Variants in RABGEF1 observed in about 807,000 individuals in gnomAD.
RABGEF1 encodes the protein rab5 GDP/GTP exchange factor.
A neutral mutation model predicts 57.3 loss-of-function variants in RABGEF1; 26 were observed. The observed-to-expected ratio is 0.45, with a 90% confidence interval of 0.33 to 0.63. The LOEUF (loss-of-function observed/expected upper bound fraction) is 0.63. Ranked by LOEUF, RABGEF1 falls within the 20% of genes least tolerant of loss-of-function variation. The pLI, the probability that RABGEF1 is intolerant of heterozygous loss-of-function variation, is 0.02. For synonymous variants in RABGEF1, 185 were observed against 210.7 expected, an observed-to-expected ratio of 0.88 and a Z score of 1.06; for missense variants, 464 against 607.6, an observed-to-expected ratio of 0.76 and a Z score of 2.48.
At chr7:66,772,782 C>T (rs763537599) in intron 2 of RABGEF1, among the ~76,000 whole-genome samples, 7 of 151,642 alleles carry the variant, frequency 4.6e-5, no homozygotes, top group Admixed American at 6.6e-5. Flanking sequence ...CATGGTGGTA[C>T]GCATTTGTTA....
chr7:66,805,268 C>T lies in RABGEF1; in HGVS notation c.949C>T (p.Pro317Ser). The T allele has an allele frequency of 6.2e-7, 1 of 1,614,214 alleles. No homozygotes were observed. Among genetic ancestry groups the T allele is most frequent in the Non-Finnish European group, 8.5e-7 (1 of 1,180,052 alleles). ...NEPASADDFL[P>S]TLIYIVLKGN... ...GCCGGCGTCAGCGGATGACTTCCTCCCCACCCTCATCTACATTGTTTTGAA... is the reference window on the plus strand; with the variant it reads ...GCCGGCGTCAGCGGATGACTTCCTCTCCACCCTCATCTACATTGTTTTGAA... Residue 317 changes from proline (P) to serine (S), a missense_variant, in exon 8 of 9, where the codon CCC (proline) becomes TCC (serine). Pro to Ser is a moderately conservative substitution (Grantham distance 74). This residue lies in a region of RABGEF1 where 284 missense variants were observed against 389.9 expected (regional missense o/e 0.73). Transcript: ENST00000284957.
chr7:66,732,270 C>G (rs1416465729), intron 2 of RABGEF1, among the ~76,000 whole-genome samples: 1 of 152,194 alleles, frequency 6.6e-6, no homozygotes, highest in Non-Finnish European at 1.5e-5. Flanking sequence ...CAGCTGGCGT[C>G]TGGACACGGA....
At chr7:66,746,427 C>T (rs530869436) in intron 1 of RABGEF1, among the ~76,000 whole-genome samples, 5 of 151,020 alleles carry the variant, frequency 3.3e-5, no homozygotes, top group Non-Finnish European at 7.4e-5. Context: ...CTCAGCCTCC[C>T]GAGTAGTTAA....
At chr7:66,678,019 G>A (rs1167752527), upstream of RABGEF1, among the ~76,000 whole-genome samples, 1 of 151,014 alleles carries the variant, frequency 6.6e-6, no homozygotes, top group Non-Finnish European at 1.5e-5. Flanking sequence ...AGCCAAGATT[G>A]TGACACTGCA....
chr7:66,797,318 AAAAGAG>A lies in RABGEF1; in HGVS notation c.596-54_596-49del. 5.6e-6 allele frequency: 8 copies of A among 1,419,454 alleles called. No individual in the cohort carries two copies. In the Admixed American group the frequency reaches 1.8e-4, roughly 32 times the overall value. The allele number at this position is 1,419,454 out of a possible 1,614,324, so 87.9% of individuals were successfully genotyped here. On this transcript the variant is annotated intron_variant, in intron 5 of 8. Transcript: ENST00000284957. ...GACTCTTTGTTTGCAAAAAAAAAAA[AAAAGAG>A]AGAGAAAAAATATATATATCTTGAT...
the RABGEF1 span, among the ~76,000 whole-genome samples, chr7:66,661,469 A>G: frequency 2.0e-5 from 3 of 152,024 alleles, no homozygotes; most frequent in African/African-American, 7.2e-5. Context: ...AAGAAAAAAT[A>G]TCGGCAAACC....
At chr7:66,741,978 TAA>T (rs5884601) in intron 1 of RABGEF1, among the ~76,000 whole-genome samples, 2 of 144,534 alleles carry the variant, frequency 1.4e-5, no homozygotes, top group African/African-American at 5.2e-5. Context: ...CTACTACAAA[TAA>T]AAAAAAAAAA....
chr7:66,669,957 G>C, the RABGEF1 span: 1 of 151,808 alleles, frequency 6.6e-6, no homozygotes, highest in African/African-American at 2.4e-5. Context: ...GCCATCACCA[G>C]CTTGGCCCTG....
At chr7:66,714,441 T>C (rs1237475370) in intron 2 of RABGEF1, among the ~76,000 whole-genome samples, 2 of 152,238 alleles carry the variant, frequency 1.3e-5, no homozygotes, top group Non-Finnish European at 1.5e-5. Context: ...TGATAATTTA[T>C]GTCTCGTTTC....
intron 2 of RABGEF1, among the ~76,000 whole-genome samples, chr7:66,733,242 A>G (rs1797545704): frequency 6.6e-6 from 1 of 152,116 alleles, no homozygotes; most frequent in Admixed American, 6.5e-5. Flanking sequence ...CATCTCCATG[A>G]AGTGTCCACA....
chr7:66,724,191 C>T (rs1796346903), intron 2 of RABGEF1, among the ~76,000 whole-genome samples: 1 of 152,010 alleles, frequency 6.6e-6, no homozygotes, highest in African/African-American at 2.4e-5. Context: ...TGTCCTCTAG[C>T]TTTCATTGTT....
chr7:66,807,279 G>C (rs1788646923), intron 8 of RABGEF1, among the ~76,000 whole-genome samples: 1 of 152,140 alleles, frequency 6.6e-6, no homozygotes, highest in African/African-American at 2.4e-5. Flanking sequence ...AAACTGCTCT[G>C]GCAAAAGTAA....
At chr7:66,677,001 C>T in the RABGEF1 span, among the ~76,000 whole-genome samples, 1 of 152,156 alleles carries the variant, frequency 6.6e-6, no homozygotes, top group African/African-American at 2.4e-5. Context: ...TTGCCAAATC[C>T]AAAGTCATGA....
rs756681575 is a variant in RABGEF1, at chr7:66,780,759, G to A, written c.347-2916G>A. On this transcript the variant is annotated intron_variant, in intron 3 of 8. Coordinates refer to ENST00000284957, the MANE Select transcript of RABGEF1 (RefSeq NM_014504.3). The stretch of plus-strand genomic sequence containing the variant: ...ATATTTAGGGTTGCTGTGACTTCTC[G>A]AAGAATGAACCTCTTTTTTATGATG... Among the ~76,000 whole-genome samples the A allele has an allele frequency of 2.6e-5, 4 of 152,112 alleles. No individual in the cohort carries two copies. In the East Asian group the frequency reaches 7.7e-4, roughly 29 times the overall value.
chr7:66,720,915 T>C (rs1273982665), intron 2 of RABGEF1, among the ~76,000 whole-genome samples: 3 of 152,132 alleles, frequency 2.0e-5, no homozygotes, highest in African/African-American at 7.2e-5. Context: ...AAAGCCATTA[T>C]TATTATTATT....
intron 4 of RABGEF1, among the ~76,000 whole-genome samples, chr7:66,791,667 G>A (rs754811796): frequency 6.6e-6 from 1 of 152,154 alleles, no homozygotes; most frequent in Non-Finnish European, 1.5e-5. Flanking sequence ...TTTCAAAACT[G>A]GAAGTGGAAA....
chr7:66,808,449 C>T (rs1429619516), intron 8 of RABGEF1, among the ~76,000 whole-genome samples: 1 of 152,174 alleles, frequency 6.6e-6, no homozygotes, highest in African/African-American at 2.4e-5. Flanking sequence ...CTCCTGACCT[C>T]ATGATCCACA....
At chr7:66,783,536 A>G (rs1484205140) in intron 3 of RABGEF1, 139 bp from the exon 4 acceptor site, 4 of 844,074 alleles carry the variant, frequency 4.7e-6, no homozygotes, top group Admixed American at 3.7e-5. Context: ...TTGTCCAACC[A>G]TTCAAACATA....
At chr7:66,728,076 C>T (rs1359786873) in intron 2 of RABGEF1, among the ~76,000 whole-genome samples, 1 of 152,206 alleles carries the variant, frequency 6.6e-6, no homozygotes, top group Non-Finnish European at 1.5e-5. Context: ...GGCCCTGCCT[C>T]CGCTCCTCAT....
Sources: allele counts gnomAD v4.1 joint callset (sites outside exome capture counted in the v4.1 genomes callset), GRCh38; gene constraint gnomAD v4.1.1; regional missense constraint gnomAD v4.1.1; transcripts MANE v1.5; gene names NCBI Gene and HGNC (gene_info 2026-07-23, HGNC 2026-07-21).